The following MRRF variants were observed in gnomAD, a reference collection of about 807,000 sequenced individuals.
MRRF encodes the protein ribosome-recycling factor, mitochondrial.
Under a neutral mutation model 25.1 loss-of-function variants are expected in MRRF, and 18 were observed. The observed-to-expected ratio is 0.72, with a 90% CI of 0.50 to 1.06. The LOEUF (loss-of-function observed/expected upper bound fraction) is 1.06, where lower values mean the gene tolerates loss of function less well. Among genes scored for constraint, MRRF ranks in the 50% least tolerant of loss-of-function variants. The pLI is 0.00. For synonymous variants in MRRF, 113 were observed against 112.1 expected (o/e 1.01, Z -0.05); for missense variants, 323 against 319.3 (o/e 1.01, Z -0.09).
intron 1 of MRRF, among the ~76,000 whole-genome samples, chr9:122,268,045 C>A (rs1170601342): frequency 6.6e-6 from 1 of 152,162 alleles, no homozygotes; most frequent in Non-Finnish European, 1.5e-5. Context: ...TACTTGGGAT[C>A]TCAACAAATT....
chr9:122,295,509 G>A (rs1014928418), intron 5 of MRRF, among the ~76,000 whole-genome samples: 7 of 151,126 alleles, frequency 4.6e-5, no homozygotes, highest in African/African-American at 1.7e-4. Context: ...GCAGTGGTGC[G>A]ATCCCAGCTC....
chr9:122,272,803 G>A (rs1435077137), intron 2 of MRRF, among the ~76,000 whole-genome samples: 1 of 152,082 alleles, frequency 6.6e-6, no homozygotes, highest in Non-Finnish European at 1.5e-5. Flanking sequence ...TCTATTGCAA[G>A]GTAATTTATT....
chr9:122,291,833 A>G lies in MRRF; in HGVS notation c.544A>G (p.Ile182Val). ...GGAAGGGACGCTAATTCGGGTACCC[A>G]TTCCCCAGTAAGTTTGGCTGAAATT... is the stretch of plus-strand genomic sequence containing the variant. ...EVEGTLIRVP[I>V]PQVTREHREM... The change falls in exon 5 of 7, where the codon ATT becomes GTT. Residue 182 changes from isoleucine (I) to valine (V), a missense_variant. Ile to Val is a conservative substitution (Grantham distance 29, BLOSUM62 3). Coordinates refer to ENST00000344641, the MANE Select transcript of MRRF (RefSeq NM_138777.5). 1 of 1,612,522 alleles carries G rather than the reference A, an allele frequency of 6.2e-7. No individual in the cohort carries two copies. Among genetic ancestry groups the G allele is most frequent in the Admixed American group, 1.7e-5 (1 of 60,026 alleles).
intron 5 of MRRF, 42 bp from the exon 6 acceptor site, chr9:122,313,185 T>C (rs755207020): frequency 9.4e-6 from 15 of 1,595,656 alleles, no homozygotes; most frequent in Non-Finnish European, 1.3e-5. Context: ...CAGCAGTTAA[T>C]GTATAGAATG....
chr9:122,314,521 T>C (rs1049554805), intron 6 of MRRF, among the ~76,000 whole-genome samples: 1 of 152,220 alleles, frequency 6.6e-6, no homozygotes, highest in Admixed American at 6.5e-5. Context: ...CCTTAATCAC[T>C]TGGGTAGCTT....
intron 5 of MRRF, among the ~76,000 whole-genome samples, chr9:122,298,748 T>A (rs1322716303): frequency 6.6e-6 from 1 of 152,192 alleles, no homozygotes; most frequent in Non-Finnish European, 1.5e-5. Context: ...TTGCCCTTAA[T>A]GGAACATTTA....
In MRRF at chr9:122,270,812, C is replaced by T. The variant is rs1832399744; in HGVS notation, c.-28-52C>T. ...GGTACGAATTACCTGAAGTTGCAAG[C>T]TTTGTACTTAGATCTTTTACTTAGA... On this transcript the variant is annotated intron_variant, in intron 1 of 6. Transcript: ENST00000344641. 2.1e-6 allele frequency: 3 copies of T among 1,442,204 alleles called. No homozygotes were observed. In the East Asian group the frequency reaches 6.8e-5, roughly 33 times the overall value. The allele number at this position is 1,442,204 out of a possible 1,614,324, so 89.3% of individuals were successfully genotyped here. A position where few individuals can be genotyped will look rare whatever the true frequency, so the allele number is the denominator to read the frequency against.
intron 6 of MRRF, among the ~76,000 whole-genome samples, chr9:122,317,277 A>G (rs970214104): frequency 2.0e-5 from 3 of 151,946 alleles, no homozygotes; most frequent in Non-Finnish European, 4.4e-5. Flanking sequence ...CTGAGCTGAA[A>G]ATGTTGCTTA....
At chr9:122,275,679 A>G (rs1473868475) in intron 2 of MRRF, among the ~76,000 whole-genome samples, 2 of 152,120 alleles carry the variant, frequency 1.3e-5, no homozygotes, top group Non-Finnish European at 2.9e-5. Flanking sequence ...TCTGCATACA[A>G]GTATAATCAT....
rs567495558 is a variant in MRRF, at chr9:122,325,024, C to T, written c.*2407C>T. 114 of 152,316 alleles carry T rather than the reference C, an allele frequency of 7.5e-4. No individual in the cohort carries two copies. Among genetic ancestry groups the T allele is most frequent in the African/African-American group, 2.5e-3 (102 of 41,564 alleles). 9.4% of individuals were successfully genotyped at this position (152,316 alleles called of 1,614,324 possible). A position where few individuals can be genotyped will look rare whatever the true frequency, so the allele number is the denominator to read the frequency against. ...TCTTTCATGAGTGGCCGAAATCCCC[C>T]ACTCACTGCAAATGTGCTTCTCAAA... On this transcript the variant is annotated 3_prime_UTR_variant, in exon 7 of 7. Transcript: ENST00000344641.
At chr9:122,303,637 G>A (rs554180729) in intron 5 of MRRF, among the ~76,000 whole-genome samples, 8 of 152,210 alleles carry the variant, frequency 5.3e-5, no homozygotes, top group South Asian at 4.2e-4. Flanking sequence ...CTCAGCTTCC[G>A]AAAGTTGTGT....
intron 3 of MRRF, 112 bp from the exon 4 acceptor site, chr9:122,285,057 G>A (rs1332744435): frequency 8.1e-6 from 6 of 741,112 alleles, no homozygotes; most frequent in Non-Finnish European, 1.5e-5. Context: ...CCAAAGCTCT[G>A]GGATAACAGG....
intron 5 of MRRF, among the ~76,000 whole-genome samples, chr9:122,304,126 ACT>A (rs1834672882): frequency 6.6e-6 from 1 of 150,766 alleles, no homozygotes; most frequent in Non-Finnish European, 1.5e-5. Context: ...AAAGAAAAAA[ACT>A]CTCAAAGATG....
At chr9:122,316,177 A>T (rs1835505470) in intron 6 of MRRF, among the ~76,000 whole-genome samples, 1 of 152,046 alleles carries the variant, frequency 6.6e-6, no homozygotes, top group Non-Finnish European at 1.5e-5. Flanking sequence ...ACATATTATT[A>T]TTTAAATGTT....
chr9:122,314,868 G>A (rs1835416556), intron 6 of MRRF, among the ~76,000 whole-genome samples: 1 of 152,136 alleles, frequency 6.6e-6, no homozygotes, highest in East Asian at 1.9e-4. Flanking sequence ...AATATAAAGG[G>A]TTTGATAGGC....
intron 1 of MRRF, among the ~76,000 whole-genome samples, chr9:122,269,328 A>G (rs1240038704): frequency 6.6e-6 from 1 of 152,166 alleles, no homozygotes; most frequent in Non-Finnish European, 1.5e-5. Flanking sequence ...AGAAGAGTAA[A>G]TTGCCTAAAG....
chr9:122,322,436 A>G, intron 6 of MRRF, 104 bp from the exon 7 acceptor site: 1 of 1,002,476 alleles, frequency 1.0e-6, no homozygotes, highest in South Asian at 1.4e-5. Flanking sequence ...AACTTTTGTC[A>G]CTATTATTAT....
At chr9:122,305,517 G>A (rs977300797) in intron 5 of MRRF, among the ~76,000 whole-genome samples, 10 of 152,112 alleles carry the variant, frequency 6.6e-5, no homozygotes, top group African/African-American at 2.4e-4. Flanking sequence ...AATGTCATAG[G>A]AATGTTATGA....
chr9:122,279,687 A>G (rs1449614259), intron 2 of MRRF, among the ~76,000 whole-genome samples: 3 of 152,356 alleles, frequency 2.0e-5, no homozygotes, highest in Middle Eastern at 3.4e-3. Flanking sequence ...AAATGAAATT[A>G]TATTCAGCTC....
Sources: gnomAD v4.1 joint callset for allele counts (sites outside exome capture counted in the v4.1 genomes callset) on GRCh38, gnomAD v4.1.1 for gene constraint, MANE v1.5 for transcripts, NCBI Gene and HGNC (gene_info 2026-07-23, HGNC 2026-07-21) for gene names.